The following PLEKHG1 variants were observed in gnomAD, a reference collection of about 807,000 sequenced individuals.
PLEKHG1 encodes pleckstrin homology and RhoGEF domain containing G1.
PLEKHG1 carries 44 observed loss-of-function variants against 100.8 expected under a neutral mutation model. The observed-to-expected ratio is 0.44, with a 90% CI of 0.34 to 0.56. The LOEUF is 0.56. PLEKHG1 is among the 20% of genes least tolerant of loss of function. The pLI is 0.01. For synonymous variants in PLEKHG1, 640 were observed against 662.5 expected (o/e 0.97, Z 0.52); for missense variants, 1,545 against 1,720.9 (o/e 0.90, Z 1.81).
chr6:150,626,538 G>T (rs1232641435), intron 1 of PLEKHG1, among the ~76,000 whole-genome samples: 1 of 152,134 alleles, frequency 6.6e-6, no homozygotes, highest in Non-Finnish European at 1.5e-5. Flanking sequence ...GTAAATCTCC[G>T]GCCTGCTGCA....
chr6:150,732,136 G>T (rs1782297401), intron 1 of PLEKHG1, among the ~76,000 whole-genome samples: 1 of 151,686 alleles, frequency 6.6e-6, no homozygotes, highest in Admixed American at 6.6e-5. Context: ...TAATTTTTTT[G>T]TATTTTTTTT....
chr6:150,702,557 G>GGTGTGTGTGTGTGTGTGTGTGTGTGT (rs56768740), intron 3 of PLEKHG1, among the ~76,000 whole-genome samples: 54 of 142,916 alleles, frequency 3.8e-4, no homozygotes, highest in African/African-American at 1.2e-3. Context: ...TTTGTTTTGG[G>GGTGTGTGTGTGTGTGTGTGTGTGTGT]GTGTGTGTGT....
chr6:150,805,364 T>C (rs1787009932), intron 7 of PLEKHG1, among the ~76,000 whole-genome samples: 1 of 152,202 alleles, frequency 6.6e-6, no homozygotes, highest in African/African-American at 2.4e-5. Context: ...CCCTAAACTA[T>C]GTAAAGACTT....
intron 3 of PLEKHG1, among the ~76,000 whole-genome samples, chr6:150,777,534 G>A (rs1160517171): frequency 4.1e-5 from 6 of 144,928 alleles, no homozygotes; most frequent in South Asian, 2.2e-4. Context: ...GCACATGTGC[G>A]GTTGCACATT....
exon 16 of PLEKHG1, chr6:150,840,854 A>G: frequency 6.2e-7 from 1 of 1,613,062 alleles, no homozygotes; most frequent in Non-Finnish European, 8.5e-7. Flanking sequence ...TCCAGTCTCT[A>G]AGGGAAAAAT....
chr6:150,714,232 AG>A (rs1781341620), intron 3 of PLEKHG1, among the ~76,000 whole-genome samples: 1 of 152,376 alleles, frequency 6.6e-6, no homozygotes, highest in East Asian at 1.9e-4. Flanking sequence ...CGAAAGCAAG[AG>A]GCTTTTTGCA....
intron 3 of PLEKHG1, among the ~76,000 whole-genome samples, chr6:150,702,493 G>A (rs758326102): frequency 6.6e-6 from 1 of 150,986 alleles, no homozygotes; most frequent in Non-Finnish European, 1.5e-5. Context: ...TCTGATGTAT[G>A]GATCACGTTA....
At chr6:150,612,047 C>CA (rs1554251549) in intron 1 of PLEKHG1, among the ~76,000 whole-genome samples, 1 of 12,478 alleles carries the variant, frequency 8.0e-5, no homozygotes, top group Non-Finnish European at 2.1e-4. Flanking sequence ...GGTGTTGTTC[C>CA]CCCCCCCCCC....
chr6:150,813,574 C>T (rs1787675349), intron 10 of PLEKHG1, among the ~76,000 whole-genome samples: 1 of 152,054 alleles, frequency 6.6e-6, no homozygotes, highest in African/African-American at 2.4e-5. Flanking sequence ...TTGGGCATGA[C>T]ATTAGGCTGA....
intron 15 of PLEKHG1, among the ~76,000 whole-genome samples, chr6:150,833,823 A>G (rs1777087980): frequency 6.6e-6 from 1 of 152,196 alleles, no homozygotes; most frequent in African/African-American, 2.4e-5. Context: ...AAGCTGGGTG[A>G]TGGCTTAGTA....
chr6:150,612,055 C>T (rs185848344), intron 1 of PLEKHG1, among the ~76,000 whole-genome samples: 8 of 104,812 alleles, frequency 7.6e-5, no homozygotes, highest in Admixed American at 2.6e-4. Flanking sequence ...TCCCCCCCCC[C>T]CCCCCTTTTC....
rs1785977031 is a variant in PLEKHG1, at chr6:150,791,444, T to G, written c.583-4412T>G. 2.0e-5 allele frequency among the ~76,000 whole-genome samples: 3 copies of G among 152,084 alleles called. No homozygotes were observed. In the South Asian group the frequency reaches 6.2e-4, roughly 32 times the overall value. ...TGGGAGGCCAAGGTGGGTGGATCAT[T>G]TGAGGCCTGGAGCTTGAGACCAGCC... is the stretch of plus-strand genomic sequence containing the variant. On this transcript the variant is annotated intron_variant, in intron 4 of 15. Coordinates refer to ENST00000358517, the Ensembl canonical transcript of PLEKHG1.
chr6:150,706,981 C>CTTTTTTTTTTTTTTTT (rs148489852), intron 3 of PLEKHG1, among the ~76,000 whole-genome samples: 1 of 50,894 alleles, frequency 2.0e-5, no homozygotes, highest in African/African-American at 5.8e-5. Context: ...TTTTTCTTTT[C>CTTTTTTTTTTTTTTTT]TTTTCTTTTT....
intron 1 of PLEKHG1, among the ~76,000 whole-genome samples, chr6:150,627,646 G>A (rs924955456): frequency 3.9e-5 from 6 of 152,134 alleles, no homozygotes; most frequent in Admixed American, 2.0e-4. Flanking sequence ...GAAGTTAAGA[G>A]AATGACTGCA....
chr6:150,749,936 G>A (rs939727778), intron 2 of PLEKHG1, among the ~76,000 whole-genome samples: 1 of 152,024 alleles, frequency 6.6e-6, no homozygotes, highest in East Asian at 1.9e-4. Flanking sequence ...GCCGGGCATG[G>A]TGGCAGGTAC....
Position 150,652,487 on chromosome 6 carries a change from C to T in PLEKHG1, c.-99+1701C>T, listed in dbSNP as rs144224092. On this transcript the variant is annotated intron_variant, in intron 3 of 3. Coordinates refer to the PLEKHG1 transcript ENST00000367326. ...CCTGTAATCCCAGCACTTTGGGAGG[C>T]CGAGGGGGGTGGATCACGAGGTCAG... Among the ~76,000 whole-genome samples the T allele has an allele frequency of 3.8e-3, 578 of 152,084 alleles. 1 individual carries two copies. The highest frequency in any genetic ancestry group is 0.013 in the African/African-American group (549 of 41,496).
At chr6:150,803,482 A>T (rs1310778471) in intron 6 of PLEKHG1, among the ~76,000 whole-genome samples, 1 of 152,212 alleles carries the variant, frequency 6.6e-6, no homozygotes, top group Non-Finnish European at 1.5e-5. Flanking sequence ...AATATTCTCT[A>T]TCCTTAGACT....
chr6:150,641,259 T>C (rs978043285), intron 2 of PLEKHG1, among the ~76,000 whole-genome samples: 3 of 152,220 alleles, frequency 2.0e-5, no homozygotes, highest in African/African-American at 4.8e-5. Context: ...AAGTTTAATA[T>C]AGTCTAAACT....
chr6:150,824,855 T>A (rs1776505270), intron 14 of PLEKHG1, among the ~76,000 whole-genome samples: 2 of 152,132 alleles, frequency 1.3e-5, no homozygotes, highest in South Asian at 2.1e-4. Context: ...TTTAAGTGAT[T>A]GTCATGGCTG....
Sources: gnomAD v4.1 joint callset for allele counts (sites outside exome capture counted in the v4.1 genomes callset) on GRCh38, gnomAD v4.1.1 for gene constraint, MANE v1.5 for transcripts, NCBI Gene and HGNC (gene_info 2026-07-23, HGNC 2026-07-21) for gene names.